The following AMOTL1 variants were observed in gnomAD, a reference collection of about 807,000 sequenced individuals.
AMOTL1 encodes angiomotin-like protein 1.
Under a neutral mutation model 102.9 loss-of-function variants are expected in AMOTL1, and 45 were observed. The observed-to-expected ratio is 0.44, with a 90% CI of 0.34 to 0.56. The LOEUF (loss-of-function observed/expected upper bound fraction) is 0.56. Among genes scored for constraint, AMOTL1 ranks in the 20% least tolerant of loss-of-function variants. The pLI, the probability that AMOTL1 is intolerant of heterozygous loss-of-function variation, is 0.01. For missense variants in AMOTL1, 1,114 were observed against 1,225.6 expected, an observed-to-expected ratio of 0.91 and a Z score of 1.36; for synonymous variants, 481 against 484.7, an observed-to-expected ratio of 0.99 and a Z score of 0.10.
At chr11:94,817,342 T>A (rs555676408) in intron 3 of AMOTL1, among the ~76,000 whole-genome samples, 1 of 152,324 alleles carries the variant, frequency 6.6e-6, no homozygotes, top group South Asian at 2.1e-4. Flanking sequence ...CTTTCTGAAA[T>A]CAAATTTTAA....
intron 1 of AMOTL1, among the ~76,000 whole-genome samples, chr11:94,774,712 G>T (rs1031516255): frequency 2.0e-5 from 3 of 152,130 alleles, no homozygotes; most frequent in Non-Finnish European, 4.4e-5. Flanking sequence ...TTTCTAACAC[G>T]TTTCCAAGCA....
At chr11:94,749,732 C>T (rs557291330) in intron 3 of AMOTL1, among the ~76,000 whole-genome samples, 1 of 152,324 alleles carries the variant, frequency 6.6e-6, no homozygotes, top group East Asian at 1.9e-4. Flanking sequence ...GTACTGACCG[C>T]AGCCCATGGT....
chr11:94,821,281 G>T lies in AMOTL1; in HGVS notation c.1122-249G>T, dbSNP rs1951860712. ...TTTTGATACTTGGCTTTATTGTTGGGTGGCTTGCCTTTCTCTCTCCCTACC... is the reference window on the plus strand; with the variant it reads ...TTTTGATACTTGGCTTTATTGTTGGTTGGCTTGCCTTTCTCTCTCCCTACC... On this transcript the variant is annotated intron_variant, in intron 3 of 12. Coordinates refer to ENST00000433060, the MANE Select transcript of AMOTL1 (RefSeq NM_130847.3). Among the ~76,000 whole-genome samples the T allele has an allele frequency of 5.9e-5, 9 of 152,300 alleles. No homozygotes were observed. In the South Asian group the frequency reaches 1.7e-3, roughly 28 times the overall value.
chr11:94,707,978 G>T (rs945975191), intron 1 of AMOTL1, among the ~76,000 whole-genome samples: 9 of 152,144 alleles, frequency 5.9e-5, no homozygotes, highest in Admixed American at 2.0e-4. Flanking sequence ...GCAGCATCCA[G>T]AATGATGGTT....
intron 3 of AMOTL1, among the ~76,000 whole-genome samples, chr11:94,805,792 G>GA (rs1951558388): frequency 6.6e-6 from 1 of 152,192 alleles, no homozygotes; most frequent in Admixed American, 6.5e-5. Context: ...GCATGACATG[G>GA]TAGTGTTTGG....
chr11:94,846,847 A>T (rs977556241), intron 6 of AMOTL1, among the ~76,000 whole-genome samples: 2 of 152,228 alleles, frequency 1.3e-5, no homozygotes, highest in African/African-American at 4.8e-5. Flanking sequence ...GAAAATAAGA[A>T]TTATGGTGCC....
intron 8 of AMOTL1, 41 bp from the exon 9 acceptor site, chr11:94,859,484 A>C (rs1952731085): frequency 6.4e-7 from 1 of 1,564,842 alleles, no homozygotes; most frequent in East Asian, 2.3e-5. Context: ...GACAGCATTG[A>C]TGTGGTTTTG....
At chr11:94,828,163 T>C (rs1952002558) in intron 4 of AMOTL1, among the ~76,000 whole-genome samples, 1 of 152,286 alleles carries the variant, frequency 6.6e-6, no homozygotes, top group Non-Finnish European at 1.5e-5. Flanking sequence ...TTATAATCAT[T>C]TATCTTGGTT....
At chr11:94,823,446 C>G (rs551955167) in intron 4 of AMOTL1, among the ~76,000 whole-genome samples, 1 of 152,216 alleles carries the variant, frequency 6.6e-6, no homozygotes, top group South Asian at 2.1e-4. Flanking sequence ...AGATGCTGCA[C>G]AGGCCCAAGC....
intron 3 of AMOTL1, among the ~76,000 whole-genome samples, chr11:94,749,824 T>A (rs1950630354): frequency 6.6e-6 from 1 of 152,198 alleles, no homozygotes; most frequent in South Asian, 2.1e-4. Context: ...TACCTCCAAG[T>A]ATGGTCAAAG....
At position 94,784,240 on chromosome 11, in the gene AMOTL1, C is replaced by T. The variant is rs193250174; in HGVS notation, c.50-10771C>T. Among the ~76,000 whole-genome samples, 265 of 152,222 alleles carry T rather than the reference C, an allele frequency of 1.7e-3. 2 individuals are homozygous for T. Among genetic ancestry groups the T allele is most frequent in the African/African-American group, 5.9e-3 (247 of 41,524 alleles). On this transcript the variant is annotated intron_variant, in intron 1 of 12. Transcript: ENST00000433060. ...TGGTTCACATTAACTCACTTAAATC[C>T]TCATAACAACTTTATGAGGATTATC...
At position 94,870,787 on chromosome 11, in the gene AMOTL1, C is replaced by T. The variant is rs1310839707; in HGVS notation, c.2863C>T (p.Leu955Phe). 1 of 1,592,716 alleles carries T rather than the reference C, an allele frequency of 6.3e-7. No homozygotes were observed. The highest frequency in any genetic ancestry group is 8.6e-7 in the Non-Finnish European group (1 of 1,167,644). Residue 955 changes from leucine to phenylalanine, a missense_variant, in exon 13 of 13, where the codon CTC becomes TTC. Coordinates refer to ENST00000433060, the MANE Select transcript of AMOTL1 (RefSeq NM_130847.3). Reference protein sequence around the residue: ...EFPDGEMMEVLI With the variant: ...EFPDGEMMEVFI The stretch of plus-strand genomic sequence containing the variant: ...CCCTGATGGAGAGATGATGGAAGTC[C>T]TCATCTAACTGCCATCCCTGTGGAA...
chr11:94,716,714 G>A (rs1269411032), intron 1 of AMOTL1, among the ~76,000 whole-genome samples: 1 of 152,118 alleles, frequency 6.6e-6, no homozygotes, highest in Non-Finnish European at 1.5e-5. Flanking sequence ...CCTGAGGATG[G>A]ATTGGCCTAC....
At chr11:94,787,931 T>A (rs1304830781) in intron 1 of AMOTL1, among the ~76,000 whole-genome samples, 2 of 152,176 alleles carry the variant, frequency 1.3e-5, no homozygotes, top group Non-Finnish European at 2.9e-5. Context: ...AGATAGCCAC[T>A]GGGAACCCAG....
rs1395136945 is a variant in AMOTL1, at chr11:94,741,051, G to GC, written c.136+63_136+64insC. ...AATTCTGCCCGAGAACTGCGAGTTTGGGGGGCGTCCATAGGAACTCAGCTA... is the reference window on the plus strand; with the variant it reads ...AATTCTGCCCGAGAACTGCGAGTTTGCGGGGGCGTCCATAGGAACTCAGCTA... On this transcript the variant is annotated intron_variant, in intron 3 of 4. Transcript: ENST00000299004. 231 of 1,246,060 alleles carry GC rather than the reference G, an allele frequency of 1.9e-4. 2 individuals carry two copies. In the African/African-American group the frequency reaches 3.2e-3, roughly 17 times the overall value. The allele number at this position is 1,246,060 out of a possible 1,614,324, so 77.2% of individuals were successfully genotyped here. A position where few individuals can be genotyped will look rare whatever the true frequency, so the allele number is the denominator to read the frequency against.
intron 1 of AMOTL1, among the ~76,000 whole-genome samples, chr11:94,707,555 A>G (rs1215041284): frequency 2.6e-5 from 4 of 152,118 alleles, no homozygotes; most frequent in Non-Finnish European, 5.9e-5. Flanking sequence ...TGGCACAATC[A>G]TCTATAACCT....
Position 94,875,624 on chromosome 11 carries a change from C to T in AMOTL1, c.*4829C>T, listed in dbSNP as rs946799728. 6.6e-6 allele frequency: 1 copy of T among 152,180 alleles called. No individual in the cohort carries two copies. The highest frequency in any genetic ancestry group is 2.4e-5 in the African/African-American group (1 of 41,446). The allele number at this position is 152,180 out of a possible 1,614,324, so 9.4% of individuals were successfully genotyped here. On this transcript the variant is annotated 3_prime_UTR_variant, in exon 13 of 13. Coordinates refer to ENST00000433060, the MANE Select transcript of AMOTL1 (RefSeq NM_130847.3). ...TTTACCCTTAGAGATGAGAAATCCT[C>T]CTCCTTTGAGGATGGATTTAAGTTC...
chr11:94,828,338 T>C (rs1952006315), intron 4 of AMOTL1, among the ~76,000 whole-genome samples: 2 of 152,214 alleles, frequency 1.3e-5, no homozygotes, highest in African/African-American at 2.4e-5. Context: ...CATCTGTCAT[T>C]GAGCTGTTTA....
At chr11:94,771,263 G>GGGA (rs1555067564) in intron 1 of AMOTL1, among the ~76,000 whole-genome samples, 2 of 146,508 alleles carry the variant, frequency 1.4e-5, no homozygotes, top group Non-Finnish European at 3.0e-5. Flanking sequence ...CGGGGTTGGG[G>GGGA]GGGGGGTGCG....
Sources: allele counts gnomAD v4.1 joint callset (sites outside exome capture counted in the v4.1 genomes callset), GRCh38; gene constraint gnomAD v4.1.1; transcripts MANE v1.5; gene names NCBI Gene and HGNC (gene_info 2026-07-23, HGNC 2026-07-21).